The following SYNGR1 variants were observed in gnomAD, a reference collection of about 807,000 sequenced individuals.
SYNGR1 encodes the protein synaptogyrin-1.
In SYNGR1, 14 loss-of-function variants were observed where a neutral mutation model predicts 26.1. The observed-to-expected ratio is 0.54, with a 90% CI of 0.35 to 0.84. The LOEUF (loss-of-function observed/expected upper bound fraction) is 0.84. Ranked by LOEUF, SYNGR1 falls within the 40% of genes least tolerant of loss-of-function variation. The pLI is 0.01. For synonymous variants in SYNGR1, 141 were observed against 150.1 expected, an observed-to-expected ratio of 0.94 and a Z score of 0.44; for missense variants, 319 against 332.9, an observed-to-expected ratio of 0.96 and a Z score of 0.33.
At chr22:39,380,682 G>A (rs1205075021) in intron 3 of SYNGR1, among the ~76,000 whole-genome samples, 6 of 144,486 alleles carry the variant, frequency 4.2e-5, no homozygotes, top group Admixed American at 7.1e-5. Flanking sequence ...GTGCAGTGGC[G>A]CTGTCTCAGG....
chr22:39,363,484 G>A (rs1414218541), intron 1 of SYNGR1, among the ~76,000 whole-genome samples: 2 of 152,008 alleles, frequency 1.3e-5, no homozygotes, highest in African/African-American at 4.8e-5. Context: ...ACTGGTTGGA[G>A]GGGTCGAGTA....
chr22:39,352,843 G>A (rs1011397201), intron 1 of SYNGR1, among the ~76,000 whole-genome samples: 5 of 152,126 alleles, frequency 3.3e-5, no homozygotes, highest in African/African-American at 7.2e-5. Flanking sequence ...CTAACAGCAT[G>A]TGCACATGAA....
chr22:39,367,681 G>A (rs1405067419), intron 1 of SYNGR1, among the ~76,000 whole-genome samples: 2 of 152,038 alleles, frequency 1.3e-5, no homozygotes, highest in Non-Finnish European at 2.9e-5. Flanking sequence ...AAATTAGCTG[G>A]GTTTGGTGGC....
rs529511973 is a variant in SYNGR1, at chr22:39,381,941, C to T, written c.*27C>T. On this transcript the variant is annotated 3_prime_UTR_variant, in exon 4 of 4. Transcript: ENST00000328933. ...CCACAGTGACCGCCTGCCCCCGCCC[C>T]TCCCCATCTGTCCCCTCTCTCCACA... 145 of 1,572,534 alleles carry T rather than the reference C, an allele frequency of 9.2e-5. No individual in the cohort carries two copies. Among genetic ancestry groups the T allele is most frequent in the South Asian group, 4.6e-4 (40 of 87,128 alleles).
rs1925563005 is a variant in SYNGR1 at position 39,383,454 on chromosome 22, A to AT, written c.*1542dup. 1 of 152,396 alleles carries AT rather than the reference A, an allele frequency of 6.6e-6. No homozygotes were observed. Among genetic ancestry groups the AT allele is most frequent in the South Asian group, 2.1e-4 (1 of 4,826 alleles). 9.4% of individuals were successfully genotyped at this position (152,396 alleles called of 1,614,324 possible). A position where few individuals can be genotyped will look rare whatever the true frequency, so the allele number is the denominator to read the frequency against. ...ATCTCTTCTGAGTGGGGGCAGGTCGATTCTTGCACAAGGTGGGCTCTTCAC... is the reference window on the plus strand; with the variant it reads ...ATCTCTTCTGAGTGGGGGCAGGTCGATTTCTTGCACAAGGTGGGCTCTTCAC... On this transcript the variant is annotated 3_prime_UTR_variant, in exon 4 of 4. Transcript: ENST00000328933.
In SYNGR1 at chr22:39,374,337, G is replaced by C. The variant is rs145517070; in HGVS notation, c.121G>C (p.Gly41Arg). 1.2e-6 allele frequency: 2 copies of C among 1,613,954 alleles called. No homozygotes were observed. Among genetic ancestry groups the C allele is most frequent in the South Asian group, 2.2e-5 (2 of 91,086 alleles). ...ACAGCTGTTCTCCATAGTGGTGTTC[G>C]GCTCCATCGTGAACGAGGGCTACCT... The part of the protein sequence containing the change: ...VSWLFSIVVF[G>R]SIVNEGYLNS... Residue 41 changes from glycine (G) to arginine (R), a missense_variant, in exon 2 of 4, where the codon GGC (glycine) becomes CGC (arginine). Coordinates refer to ENST00000328933, the MANE Select transcript of SYNGR1 (RefSeq NM_004711.5).
At chr22:39,358,872 TAG>T (rs898340053) in intron 1 of SYNGR1, among the ~76,000 whole-genome samples, 4 of 152,342 alleles carry the variant, frequency 2.6e-5, no homozygotes, top group Admixed American at 2.6e-4. Context: ...CCTTCACAGA[TAG>T]AGTTTTGCTC....
chr22:39,360,282 G>A (rs567728108), intron 1 of SYNGR1, among the ~76,000 whole-genome samples: 30 of 152,172 alleles, frequency 2.0e-4, no homozygotes, highest in Admixed American at 4.6e-4. Flanking sequence ...GCTCTTCTGC[G>A]TCAGCTTGCA....
chr22:39,359,818 G>A (rs937180800), intron 1 of SYNGR1, among the ~76,000 whole-genome samples: 6 of 151,938 alleles, frequency 3.9e-5, no homozygotes, highest in Admixed American at 6.6e-5. Context: ...CTGGACCCTA[G>A]CTAGGCCTGG....
intron 2 of SYNGR1, 95 bp from the exon 3 acceptor site, chr22:39,375,957 T>C: frequency 1.3e-6 from 2 of 1,532,230 alleles, no homozygotes; most frequent in Non-Finnish European, 1.8e-6. Context: ...CACTCTTGAA[T>C]GTCCCTCTGT....
At chr22:39,362,348 G>A (rs867417888) in intron 1 of SYNGR1, among the ~76,000 whole-genome samples, 10 of 152,110 alleles carry the variant, frequency 6.6e-5, no homozygotes, top group South Asian at 2.1e-4. Context: ...CACTCGGGGC[G>A]ACAGCTTGCG....
In SYNGR1 at chr22:39,382,048, CG is replaced by C. The variant is rs1925518048; in HGVS notation, c.*138del. 1.0e-6 allele frequency: 1 copy of C among 995,232 alleles called. No individual in the cohort carries two copies. The highest frequency in any genetic ancestry group is 2.0e-5 in the Admixed American group (1 of 49,350). The allele number at this position is 995,232 out of a possible 1,614,324, so 61.7% of individuals were successfully genotyped here. A position where few individuals can be genotyped will look rare whatever the true frequency, so the allele number is the denominator to read the frequency against. On this transcript the variant is annotated 3_prime_UTR_variant, in exon 4 of 4. Coordinates refer to ENST00000328933, the MANE Select transcript of SYNGR1 (RefSeq NM_004711.5). Reference sequence around the variant, plus strand: ...TGTCCCACTGAGGTCCAGGGTAGCTCGGGGCAGGGGTGGGGCAGTCCAGTGT... The same window carrying C: ...TGTCCCACTGAGGTCCAGGGTAGCTCGGGCAGGGGTGGGGCAGTCCAGTGT...
In SYNGR1 at chr22:39,381,000, T is replaced by G. The variant is rs143603002; in HGVS notation, c.484-696T>G. Among the ~76,000 whole-genome samples, 11 of 152,210 alleles carry G rather than the reference T, an allele frequency of 7.2e-5. No individual in the cohort carries two copies. The East Asian group carries it at 1.9e-3, about 27-fold the overall frequency. On this transcript the variant is annotated intron_variant, in intron 3 of 3. Transcript: ENST00000328933. The stretch of plus-strand genomic sequence containing the variant: ...TGCCTTTAACTCAACATAGTCAATA[T>G]GCCAGAGGTGCATATTTTAGCCCAG...
At chr22:39,375,911 G>A (rs1925258269) in intron 2 of SYNGR1, 141 bp from the exon 3 acceptor site, 1 of 1,132,514 alleles carries the variant, frequency 8.8e-7, no homozygotes, top group Non-Finnish European at 1.3e-6. Context: ...TACCCCCTTT[G>A]CCTGTCCCTT....
chr22:39,364,980 G>A (rs1924665674), intron 1 of SYNGR1, among the ~76,000 whole-genome samples: 1 of 152,202 alleles, frequency 6.6e-6, no homozygotes, highest in Admixed American at 6.5e-5. Flanking sequence ...AAAGAGGCTT[G>A]GCAGGTTTAC....
intron 1 of SYNGR1, among the ~76,000 whole-genome samples, chr22:39,363,006 G>T (rs1328584173): frequency 1.3e-5 from 2 of 152,184 alleles, no homozygotes; most frequent in Admixed American, 6.5e-5. Context: ...GAATACCTTA[G>T]ATCTGGAGTC....
chr22:39,365,986 T>G (rs545416217), intron 1 of SYNGR1, among the ~76,000 whole-genome samples: 4 of 140,194 alleles, frequency 2.9e-5, no homozygotes, highest in Non-Finnish European at 6.1e-5. Flanking sequence ...GCTCAGCCCC[T>G]TCTTTTTTTT....
In SYNGR1 at chr22:39,350,191, ACCCC is replaced by A; in HGVS notation, c.99+83_99+86del. The A allele has an allele frequency of 1.0e-6, 1 of 976,258 alleles. No individual in the cohort carries two copies. The allele number at this position is 976,258 out of a possible 1,614,324, so 60.5% of individuals were successfully genotyped here. On this transcript the variant is annotated intron_variant, in intron 1 of 3. Coordinates refer to ENST00000328933, the MANE Select transcript of SYNGR1 (RefSeq NM_004711.5). The surrounding 1 kb of genome is among the most constrained non-coding windows in gnomAD (Gnocchi z 4.3). ...AGGCGGCGCGCCCGGACCGACCCCG[ACCCC>A]GACCCCAACGGGCCCCCGGCGGCGG... is the stretch of plus-strand genomic sequence containing the variant.
At chr22:39,365,214 C>T (rs555793540) in intron 1 of SYNGR1, among the ~76,000 whole-genome samples, 2 of 152,264 alleles carry the variant, frequency 1.3e-5, no homozygotes, top group South Asian at 4.1e-4. Flanking sequence ...GAATTTCATT[C>T]TGGTTTCATT....
Sources: gnomAD v4.1 joint callset for allele counts (sites outside exome capture counted in the v4.1 genomes callset) on GRCh38, gnomAD v4.1.1 for gene constraint, Gnocchi (gnomAD v3.1) non-coding constraint, MANE v1.5 for transcripts, NCBI Gene and HGNC (gene_info 2026-07-23, HGNC 2026-07-21) for gene names.